The following NEGR1 variants were observed in gnomAD, a reference collection of about 807,000 sequenced individuals.
NEGR1 encodes the protein neuronal growth regulator 1, also known as IgLON family member 4.
NEGR1 carries 10 observed loss-of-function variants against 40.9 expected under a neutral mutation model. That is an observed-to-expected ratio of 0.24 (90% confidence interval 0.15 to 0.42). NEGR1 has a LOEUF of 0.42. NEGR1 is among the 10% of genes least tolerant of loss of function. The pLI is 1.00. For missense variants in NEGR1, 352 were observed against 438.9 expected, an observed-to-expected ratio of 0.80 and a Z score of 1.77; for synonymous variants, 185 against 166.8, an observed-to-expected ratio of 1.11 and a Z score of -0.84.
At position 72,010,809 on chromosome 1, in the gene NEGR1, G is replaced by A. The variant is rs541510046; in HGVS notation, c.177-75498C>T. Among the ~76,000 whole-genome samples, 51 of 152,218 alleles carry A rather than the reference G, an allele frequency of 3.4e-4. 1 individual carries two copies. The highest frequency in any genetic ancestry group is 1.2e-3 in the African/African-American group (50 of 41,546). On this transcript the variant is annotated intron_variant, in intron 1 of 6. Coordinates refer to ENST00000357731, the MANE Select transcript of NEGR1 (RefSeq NM_173808.3). ...GGAATATGACTGGGTGGATGGAAGT[G>A]ACTTCTTTAAGCACAAGACGTCATC...
intron 1 of NEGR1, among the ~76,000 whole-genome samples, chr1:72,143,257 T>C (rs1226526105): frequency 1.3e-5 from 2 of 151,984 alleles, no homozygotes; most frequent in African/African-American, 4.8e-5. Context: ...TGTTTATATA[T>C]GCCAGCAATT....
At position 71,906,742 on chromosome 1, in the gene NEGR1, C is replaced by T. The variant is rs191634318; in HGVS notation, c.409+28337G>A. 9.3e-4 allele frequency among the ~76,000 whole-genome samples: 142 copies of T among 152,202 alleles called. 1 individual carries two copies. The highest frequency in any genetic ancestry group is 1.6e-3 in the Non-Finnish European group (111 of 67,982). ...CTCATTCACTTCATCAAAATAAAAA[C>T]ACACAAAAATCAATAAAATATAGTA... On this transcript the variant is annotated intron_variant, in intron 2 of 6. Coordinates refer to ENST00000357731, the MANE Select transcript of NEGR1 (RefSeq NM_173808.3).
At chr1:71,658,645 A>C (rs1304562760) in intron 4 of NEGR1, among the ~76,000 whole-genome samples, 1 of 152,180 alleles carries the variant, frequency 6.6e-6, no homozygotes, top group Admixed American at 6.5e-5. Flanking sequence ...GGTGTGTTTA[A>C]AAGTTAAATA....
intron 6 of NEGR1, among the ~76,000 whole-genome samples, chr1:71,498,032 A>G (rs1646976401): frequency 1.3e-5 from 2 of 151,852 alleles, no homozygotes; most frequent in Non-Finnish European, 2.9e-5. Context: ...CAAAAACTCA[A>G]CATGAGTTCA....
intron 1 of NEGR1, among the ~76,000 whole-genome samples, chr1:72,150,943 C>A (rs1651103124): frequency 6.6e-6 from 1 of 151,522 alleles, no homozygotes; most frequent in Non-Finnish European, 1.5e-5. Context: ...AGGTAATGGC[C>A]CAACAACAAC....
At chr1:72,249,419 G>A (rs1655011764) in intron 1 of NEGR1, among the ~76,000 whole-genome samples, 1 of 152,126 alleles carries the variant, frequency 6.6e-6, no homozygotes, top group Non-Finnish European at 1.5e-5. Flanking sequence ...CAGTAGATAT[G>A]TAAAAATATG....
intron 6 of NEGR1, among the ~76,000 whole-genome samples, chr1:71,506,182 G>A (rs534995769): frequency 2.6e-5 from 4 of 152,228 alleles, no homozygotes; most frequent in African/African-American, 9.6e-5. Flanking sequence ...ACTAAAAAAG[G>A]AACCCAATCC....
rs1348000875 is a variant in NEGR1 at position 72,031,007 on chromosome 1, G to A, written c.177-95696C>T. 2.0e-5 allele frequency among the ~76,000 whole-genome samples: 3 copies of A among 152,092 alleles called. No homozygotes were observed. The East Asian group carries it at 5.8e-4, about 29-fold the overall frequency. ...TTATCTTACATGTTGTGTTTCCTTTGTTGCTTCCATGGGGCAACTGGAGTT... is the reference window on the plus strand; with the variant it reads ...TTATCTTACATGTTGTGTTTCCTTTATTGCTTCCATGGGGCAACTGGAGTT... On this transcript the variant is annotated intron_variant, in intron 1 of 6. Transcript: ENST00000357731.
At chr1:71,649,960 A>T (rs1651657853) in intron 4 of NEGR1, among the ~76,000 whole-genome samples, 1 of 152,160 alleles carries the variant, frequency 6.6e-6, no homozygotes, top group Non-Finnish European at 1.5e-5. Context: ...ACATAATTCC[A>T]TTAAATACCT....
At chr1:71,566,888 G>A (rs1304245118) in intron 6 of NEGR1, among the ~76,000 whole-genome samples, 1 of 152,064 alleles carries the variant, frequency 6.6e-6, no homozygotes, top group Non-Finnish European at 1.5e-5. Context: ...GGCACCTTCT[G>A]GCTGTGTCCT....
At chr1:72,131,443 T>A (rs1342418892) in intron 1 of NEGR1, among the ~76,000 whole-genome samples, 1 of 152,136 alleles carries the variant, frequency 6.6e-6, no homozygotes, top group Non-Finnish European at 1.5e-5. Flanking sequence ...AAAGATGAGA[T>A]TAGGGGTTTC....
intron 1 of NEGR1, among the ~76,000 whole-genome samples, chr1:72,110,946 A>G (rs1380378418): frequency 1.3e-5 from 2 of 151,666 alleles, no homozygotes; most frequent in African/African-American, 4.8e-5. Flanking sequence ...AAACAAATTG[A>G]AAAAAAGAAT....
intron 1 of NEGR1, among the ~76,000 whole-genome samples, chr1:72,011,313 C>A (rs1037433886): frequency 6.6e-6 from 1 of 152,006 alleles, no homozygotes; most frequent in African/African-American, 2.4e-5. Flanking sequence ...TAGAATAATT[C>A]AGAAAATCAG....
At chr1:71,866,749 T>G (rs1325155152) in intron 2 of NEGR1, among the ~76,000 whole-genome samples, 3 of 152,210 alleles carry the variant, frequency 2.0e-5, no homozygotes, top group African/African-American at 7.2e-5. Context: ...AGGGAAAACC[T>G]AGCATATCTT....
At chr1:71,962,129 T>C (rs940329366) in intron 1 of NEGR1, among the ~76,000 whole-genome samples, 4 of 152,038 alleles carry the variant, frequency 2.6e-5, no homozygotes, top group Admixed American at 2.6e-4. Flanking sequence ...AATGCCAAAA[T>C]GTCAGATGAG....
At chr1:71,835,531 C>G (rs532436329) in intron 2 of NEGR1, among the ~76,000 whole-genome samples, 42 of 152,118 alleles carry the variant, frequency 2.8e-4, no homozygotes, top group African/African-American at 1.0e-3. Context: ...TTTTTGTTTG[C>G]AATTTCATGG....
chr1:71,597,121 A>C (rs1649737078), intron 5 of NEGR1, among the ~76,000 whole-genome samples: 3 of 152,194 alleles, frequency 2.0e-5, no homozygotes, highest in Non-Finnish European at 4.4e-5. Flanking sequence ...TGTTGTGTGA[A>C]CTAAAGATAC....
intron 6 of NEGR1, among the ~76,000 whole-genome samples, chr1:71,571,817 T>G (rs577368129): frequency 6.8e-6 from 1 of 146,086 alleles, no homozygotes; most frequent in South Asian, 2.2e-4. Flanking sequence ...AAATCTGAAA[T>G]TTGAGCTCAT....
At chr1:71,829,466 A>C (rs1658762504) in intron 2 of NEGR1, among the ~76,000 whole-genome samples, 1 of 152,004 alleles carries the variant, frequency 6.6e-6, no homozygotes, top group South Asian at 2.1e-4. Flanking sequence ...TCTGATATAT[A>C]ATCAGAGCTG....
Sources: allele counts gnomAD v4.1 joint callset (sites outside exome capture counted in the v4.1 genomes callset), GRCh38; gene constraint gnomAD v4.1.1; transcripts MANE v1.5; gene names NCBI Gene and HGNC (gene_info 2026-07-23, HGNC 2026-07-21).